IMP3: variants seen among roughly 807,000 people sequenced by gnomAD.
The protein encoded by IMP3 is U3 small nucleolar ribonucleoprotein IMP3.
IMP3 carries 17 observed loss-of-function variants against 10.2 expected under a neutral mutation model. The observed-to-expected ratio is 1.67, with a 90% CI of 1.14 to 2.50. The LOEUF (loss-of-function observed/expected upper bound fraction) is 2.50, where lower values mean the gene tolerates loss of function less well. Ranked by LOEUF, IMP3 falls within the 30% of genes most tolerant of loss-of-function variation. IMP3 has a pLI of 0.00. For synonymous variants in IMP3, 167 were observed against 120.1 expected, an observed-to-expected ratio of 1.39 and a Z score of -2.55; for missense variants, 290 against 260.2, an observed-to-expected ratio of 1.11 and a Z score of -0.79.
chr15:75,639,728 G>A lies in IMP3; in HGVS notation c.441C>T (p.Ala147=). 6.2e-7 allele frequency: 1 copy of A among 1,613,812 alleles called. No homozygotes were observed. Among genetic ancestry groups the A allele is most frequent in the Non-Finnish European group, 8.5e-7 (1 of 1,180,054 alleles). Residue 147 remains alanine, a synonymous_variant, in exon 1 of 1, where the codon GCC becomes GCT. Coordinates refer to ENST00000403490, the MANE Select transcript of IMP3 (RefSeq NM_018285.4). ...RVGPDVVTDP[A]FLVTRSMEDF... ...CCTCCATGCTGCGCGTGACAAGGAA[G>A]GCGGGGTCGGTAACCACGTCAGGGC...
In IMP3 at chr15:75,639,405, A is replaced by C; in HGVS notation, c.*209T>G. ...ACTGTTTCCCAAGGCACAGTCAATT[A>C]ATAATCAGTAGTCCAAGTTCTAAGA... is the stretch of plus-strand genomic sequence containing the variant. On this transcript the variant is annotated 3_prime_UTR_variant, in exon 1 of 1. Coordinates refer to ENST00000403490, the MANE Select transcript of IMP3 (RefSeq NM_018285.4). 1 of 580,618 alleles carries C rather than the reference A, an allele frequency of 1.7e-6. No individual in the cohort carries two copies. The highest frequency in any genetic ancestry group is 3.0e-6 in the Non-Finnish European group (1 of 329,050). 36.0% of individuals were successfully genotyped at this position (580,618 alleles called of 1,614,324 possible).
In IMP3 at chr15:75,640,023, T is replaced by A. The variant is rs1044047928; in HGVS notation, c.146A>T (p.Asn49Ile). The A allele has an allele frequency of 1.2e-6, 2 of 1,600,194 alleles. No individual in the cohort carries two copies. The highest frequency in any genetic ancestry group is 1.7e-6 in the Non-Finnish European group (2 of 1,174,676). ...CTCACGCACGGCACGGCTCAGCTGG[T>A]TGTAGCGCGTGTAGTCCTCCCGCCG... ...LQRREDYTRY[N>I]QLSRAVRELA... The change falls in exon 1 of 1, where the codon AAC becomes ATC. Residue 49 changes from asparagine to isoleucine, a missense_variant. By Grantham distance (149) the Asn-to-Ile change is moderately radical. Transcript: ENST00000403490.
Position 75,640,200 on chromosome 15 carries a change from G to A in IMP3, c.-32C>T, listed in dbSNP as rs1393326479. 1.3e-6 allele frequency: 2 copies of A among 1,488,312 alleles called. No individual in the cohort carries two copies. The highest frequency in any genetic ancestry group is 1.8e-6 in the Non-Finnish European group (2 of 1,119,700). 92.2% of individuals were successfully genotyped at this position (1,488,312 alleles called of 1,614,324 possible). A position where few individuals can be genotyped will look rare whatever the true frequency, so the allele number is the denominator to read the frequency against. On this transcript the variant is annotated 5_prime_UTR_variant, in exon 1 of 1. Transcript: ENST00000403490. ...GGCAGCCGCAGCCGCAGGACCCGAA[G>A]CTGAGAGCGCGTTCTGGCATCCGCG... is the stretch of plus-strand genomic sequence containing the variant.
rs1473958405 is a variant in IMP3 at position 75,640,097 on chromosome 15, G to T, written c.72C>A (p.Thr24=). ...CGCGCAGCTCGTGCAGGTTGTGGTC[G>T]GTGACCTCCCAGTTCAGGAAGTCCA... is the stretch of plus-strand genomic sequence containing the variant. ...KQVDFLNWEV[T]DHNLHELRVL... Residue 24 remains threonine (T), a synonymous_variant, in exon 1 of 1, where the codon ACC becomes ACA. Transcript: ENST00000403490. 4 of 1,604,042 alleles carry T rather than the reference G, an allele frequency of 2.5e-6. No homozygotes were observed. The highest frequency in any genetic ancestry group is 2.6e-6 in the Non-Finnish European group (3 of 1,175,776).
chr15:75,640,153 T>G lies in IMP3; in HGVS notation c.16A>C (p.Lys6Gln). 1.9e-6 allele frequency: 3 copies of G among 1,545,216 alleles called. No homozygotes were observed. The highest frequency in any genetic ancestry group is 2.6e-6 in the Non-Finnish European group (3 of 1,142,550). MVRKL[K>Q]FHEQKLLKQV... ...TTCAGCAGCTTCTGCTCGTGGAACTTAAGCTTCCGCACCATGATGGCGGCA... is the reference window on the plus strand; with the variant it reads ...TTCAGCAGCTTCTGCTCGTGGAACTGAAGCTTCCGCACCATGATGGCGGCA... Residue 6 changes from lysine to glutamine, a missense_variant, in exon 1 of 1, where the codon AAG becomes CAG. Lys to Gln is a moderately conservative substitution (Grantham distance 53). Transcript: ENST00000403490.
chr15:75,639,701 G>A lies in IMP3; in HGVS notation c.468C>T (p.Asp156=). ...TGGACGAGTCCACCCAAGTGACAAA[G>A]TCCTCCATGCTGCGCGTGACAAGGA... ...PAFLVTRSME[D]FVTWVDSSKI... The change falls in exon 1 of 1, where the codon GAC becomes GAT. Residue 156 remains aspartate (D), a synonymous_variant. Transcript: ENST00000403490. 1.2e-6 allele frequency: 2 copies of A among 1,613,912 alleles called. No individual in the cohort carries two copies. The highest frequency in any genetic ancestry group is 1.7e-6 in the Non-Finnish European group (2 of 1,180,048).
Position 75,640,091 on chromosome 15 carries a change from G to A in IMP3, c.78C>T (p.His26=), listed in dbSNP as rs780788194. ...VDFLNWEVTD[H]NLHELRVLRR... is the part of the protein sequence containing the mutation. ...GCAGCACGCGCAGCTCGTGCAGGTT[G>A]TGGTCGGTGACCTCCCAGTTCAGGA... is the stretch of plus-strand genomic sequence containing the variant. Residue 26 remains histidine, a synonymous_variant, in exon 1 of 1, where the codon CAC becomes CAT. Transcript: ENST00000403490. 10 of 1,606,398 alleles carry A rather than the reference G, an allele frequency of 6.2e-6. No homozygotes were observed. The highest frequency in any genetic ancestry group is 8.5e-6 in the Non-Finnish European group (10 of 1,176,994).
rs764599885 is a variant in IMP3, at chr15:75,640,205, G to C, written c.-37C>G. The C allele has an allele frequency of 1.3e-6, 2 of 1,484,530 alleles. No individual in the cohort carries two copies. Among genetic ancestry groups the C allele is most frequent in the African/African-American group, 1.4e-5 (1 of 70,368 alleles). 92.0% of individuals were successfully genotyped at this position (1,484,530 alleles called of 1,614,324 possible). A position where few individuals can be genotyped will look rare whatever the true frequency, so the allele number is the denominator to read the frequency against. On this transcript the variant is annotated 5_prime_UTR_variant, in exon 1 of 1. Transcript: ENST00000403490. Reference sequence around the variant, plus strand: ...CCGCAGCCGCAGGACCCGAAGCTGAGAGCGCGTTCTGGCATCCGCGCGATT... The same window carrying C: ...CCGCAGCCGCAGGACCCGAAGCTGACAGCGCGTTCTGGCATCCGCGCGATT...
chr15:75,639,817 G>T lies in IMP3; in HGVS notation c.352C>A (p.Leu118Met), dbSNP rs773874496. Residue 118 changes from leucine to methionine, a missense_variant, in exon 1 of 1, where the codon CTG becomes ATG. Coordinates refer to ENST00000403490, the MANE Select transcript of IMP3 (RefSeq NM_018285.4). ...RRRLPTVLLK[L>M]RMAQHLQAAV... ...GCCTGAAGGTGCTGCGCCATGCGCA[G>T]CTTGAGGAGCACGGTGGGGAGGCGG... is the stretch of plus-strand genomic sequence containing the variant. 2.5e-6 allele frequency: 4 copies of T among 1,611,370 alleles called. No homozygotes were observed. Among genetic ancestry groups the T allele is most frequent in the Non-Finnish European group, 3.4e-6 (4 of 1,179,190 alleles).
chr15:75,639,690 C>G lies in IMP3; in HGVS notation c.479G>C (p.Trp160Ser). The stretch of plus-strand genomic sequence containing the variant: ...CCGCTTGATCTTGGACGAGTCCACC[C>G]AAGTGACAAAGTCCTCCATGCTGCG... The part of the protein sequence containing the change: ...VTRSMEDFVT[W>S]VDSSKIKRHV... The change falls in exon 1 of 1, where the codon TGG becomes TCG. Residue 160 changes from tryptophan (W) to serine (S), a missense_variant. Coordinates refer to ENST00000403490, the MANE Select transcript of IMP3 (RefSeq NM_018285.4). The G allele has an allele frequency of 6.2e-7, 1 of 1,613,928 alleles. No individual in the cohort carries two copies. Among genetic ancestry groups the G allele is most frequent in the African/African-American group, 1.3e-5 (1 of 75,068 alleles).
chr15:75,640,205 G>A lies in IMP3; in HGVS notation c.-37C>T, dbSNP rs764599885. The A allele has an allele frequency of 1.4e-5, 21 of 1,484,412 alleles. No individual in the cohort carries two copies. Among genetic ancestry groups the A allele is most frequent in the Non-Finnish European group, 1.7e-5 (19 of 1,117,996 alleles). The allele number at this position is 1,484,412 out of a possible 1,614,324, so 92.0% of individuals were successfully genotyped here. On this transcript the variant is annotated 5_prime_UTR_variant, in exon 1 of 1. Transcript: ENST00000403490. ...CCGCAGCCGCAGGACCCGAAGCTGA[G>A]AGCGCGTTCTGGCATCCGCGCGATT...
In IMP3 at chr15:75,639,771, T is replaced by G; in HGVS notation, c.398A>C (p.Gln133Pro). ...HLQAAVAFVEQGHVRVGPDVV... is the reference protein window; with the variant it reads ...HLQAAVAFVEPGHVRVGPDVV... ...GTCAGGGCCCACGCGTACGTGCCCT[T>G]GCTCCACAAAGGCCACGGCAGCCTG... Residue 133 changes from glutamine (Q) to proline (P), a missense_variant, in exon 1 of 1, where the codon CAA becomes CCA. Coordinates refer to ENST00000403490, the MANE Select transcript of IMP3 (RefSeq NM_018285.4). The G allele has an allele frequency of 6.2e-7, 1 of 1,613,290 alleles. No individual in the cohort carries two copies. Among genetic ancestry groups the G allele is most frequent in the Non-Finnish European group, 8.5e-7 (1 of 1,179,982 alleles).
rs1359776429 is a variant in IMP3 at position 75,639,995 on chromosome 15, C to A, written c.174G>T (p.Leu58=). The part of the protein sequence containing the change: ...YNQLSRAVRE[L]ARRLRDLPER... The stretch of plus-strand genomic sequence containing the variant: ...CGGGCAGGTCGCGCAGGCGCCGCGC[C>A]AGCTCACGCACGGCACGGCTCAGCT... The change falls in exon 1 of 1, where the codon CTG becomes CTT. Residue 58 remains leucine (L), a synonymous_variant. Transcript: ENST00000403490. 3.7e-6 allele frequency: 6 copies of A among 1,602,128 alleles called. No homozygotes were observed. Among genetic ancestry groups the A allele is most frequent in the Non-Finnish European group, 4.3e-6 (5 of 1,175,178 alleles).
Position 75,639,967 on chromosome 15 carries a change from G to T in IMP3, c.202C>A (p.Arg68Ser), listed in dbSNP as rs1466281487. 1.9e-6 allele frequency: 3 copies of T among 1,604,360 alleles called. No homozygotes were observed. The highest frequency in any genetic ancestry group is 2.6e-6 in the Non-Finnish European group (3 of 1,175,978). Reference protein sequence around the residue: ...LARRLRDLPERDQFRVRASAA... With the variant: ...LARRLRDLPESDQFRVRASAA... ...GAAGCGCGCACGCGGAACTGGTCGC[G>T]TTCGGGCAGGTCGCGCAGGCGCCGC... Residue 68 changes from arginine to serine, a missense_variant, in exon 1 of 1, where the codon CGC (arginine) becomes AGC (serine). Physicochemically the swap from Arg to Ser is moderately radical, Grantham distance 110. Coordinates refer to ENST00000403490, the MANE Select transcript of IMP3 (RefSeq NM_018285.4).
rs1180785869 is a variant in IMP3, at chr15:75,639,909, C to G, written c.260G>C (p.Gly87Ala). Reference sequence around the variant, plus strand: ...CAGCGAACCGCGCGTGGGCACCAAGCCGAGAGCATACAGCTTGTCCAGCAG... The same window carrying G: ...CAGCGAACCGCGCGTGGGCACCAAGGCGAGAGCATACAGCTTGTCCAGCAG... The part of the protein sequence containing the change: ...AALLDKLYAL[G>A]LVPTRGSLEL... Residue 87 changes from glycine (G) to alanine (A), a missense_variant, in exon 1 of 1, where the codon GGC (glycine) becomes GCC (alanine). Transcript: ENST00000403490. The G allele has an allele frequency of 1.9e-6, 3 of 1,610,620 alleles. No individual in the cohort carries two copies. The highest frequency in any genetic ancestry group is 1.7e-6 in the Non-Finnish European group (2 of 1,179,056).
Position 75,640,067 on chromosome 15 carries a change from C to T in IMP3, c.102G>A (p.Leu34=). ...TDHNLHELRV[L]RRYRLQRRED... is the part of the protein sequence containing the mutation. ...CCCGCCGCTGCAGCCGGTAACGCCG[C>T]AGCACGCGCAGCTCGTGCAGGTTGT... Residue 34 remains leucine (L), a synonymous_variant, in exon 1 of 1, where the codon CTG becomes CTA. Coordinates refer to ENST00000403490, the MANE Select transcript of IMP3 (RefSeq NM_018285.4). 2 of 1,608,890 alleles carry T rather than the reference C, an allele frequency of 1.2e-6. No individual in the cohort carries two copies. The highest frequency in any genetic ancestry group is 1.7e-6 in the Non-Finnish European group (2 of 1,178,228).
chr15:75,639,189 A>G lies in IMP3; in HGVS notation c.*425T>C, dbSNP rs1246716808. The G allele has an allele frequency of 5.7e-6, 1 of 176,728 alleles. No individual in the cohort carries two copies. The highest frequency in any genetic ancestry group is 5.4e-5 in the Admixed American group (1 of 18,422). The allele number at this position is 176,728 out of a possible 1,614,324, so 10.9% of individuals were successfully genotyped here. A position where few individuals can be genotyped will look rare whatever the true frequency, so the allele number is the denominator to read the frequency against. On this transcript the variant is annotated 3_prime_UTR_variant, in exon 1 of 1. Coordinates refer to ENST00000403490, the MANE Select transcript of IMP3 (RefSeq NM_018285.4). Reference sequence around the variant, plus strand: ...CTCAGTTTATAAAAACTTGAGGCCAAACTCTCCATCATCTGTACACAGCTT... The same window carrying G: ...CTCAGTTTATAAAAACTTGAGGCCAGACTCTCCATCATCTGTACACAGCTT...
rs1893389368 is a variant in IMP3, at chr15:75,639,381, C to T, written c.*233G>A. 1.8e-6 allele frequency: 1 copy of T among 552,270 alleles called. No individual in the cohort carries two copies. The highest frequency in any genetic ancestry group is 3.4e-5 in the Admixed American group (1 of 28,996). The allele number at this position is 552,270 out of a possible 1,614,324, so 34.2% of individuals were successfully genotyped here. A position where few individuals can be genotyped will look rare whatever the true frequency, so the allele number is the denominator to read the frequency against. ...CAGTGCTGCACCAAGTTACTTCCCA[C>T]TGTTTCCCAAGGCACAGTCAATTAA... On this transcript the variant is annotated 3_prime_UTR_variant, in exon 1 of 1. Coordinates refer to ENST00000403490, the MANE Select transcript of IMP3 (RefSeq NM_018285.4).
At position 75,639,685 on chromosome 15, in the gene IMP3, C is replaced by T. The variant is rs752105243; in HGVS notation, c.484G>A (p.Asp162Asn). 2.5e-6 allele frequency: 4 copies of T among 1,613,920 alleles called. No homozygotes were observed. In the Admixed American group the frequency reaches 5.0e-5, roughly 20 times the overall value. Residue 162 changes from aspartate (D) to asparagine (N), a missense_variant, in exon 1 of 1, where the codon GAC becomes AAC. By Grantham distance (23) the Asp-to-Asn change is conservative. Coordinates refer to ENST00000403490, the MANE Select transcript of IMP3 (RefSeq NM_018285.4). ...ACGTGCCGCTTGATCTTGGACGAGT[C>T]CACCCAAGTGACAAAGTCCTCCATG... is the stretch of plus-strand genomic sequence containing the variant. Reference protein sequence around the residue: ...RSMEDFVTWVDSSKIKRHVLE... With the variant: ...RSMEDFVTWVNSSKIKRHVLE...
Sources: allele counts gnomAD v4.1 joint callset, GRCh38; gene constraint gnomAD v4.1.1; transcripts MANE v1.5; gene names NCBI Gene and HGNC (gene_info 2026-07-23, HGNC 2026-07-21).